RABGEF1: variants seen among roughly 807,000 people sequenced by gnomAD.
The protein encoded by RABGEF1 is RAB guanine nucleotide exchange factor 1, also known as rab5 GDP/GTP exchange factor.
A neutral mutation model predicts 57.3 loss-of-function variants in RABGEF1; 26 were observed. The observed-to-expected ratio is 0.45, with a 90% CI of 0.33 to 0.63. The LOEUF (loss-of-function observed/expected upper bound fraction) is 0.63. Ranked by LOEUF, RABGEF1 falls within the 20% of genes least tolerant of loss-of-function variation. The pLI is 0.02. For synonymous variants in RABGEF1, 185 were observed against 210.7 expected (o/e 0.88, Z 1.06); for missense variants, 464 against 607.6 (o/e 0.76, Z 2.48).
intron 3 of RABGEF1, among the ~76,000 whole-genome samples, chr7:66,779,241 C>A (rs552161187): frequency 6.6e-6 from 1 of 151,640 alleles, no homozygotes; most frequent in South Asian, 2.1e-4. Flanking sequence ...CAGGGGCTCA[C>A]GCTTATGATC....
chr7:66,764,319 A>G (rs1805166995), intron 1 of RABGEF1, among the ~76,000 whole-genome samples: 3 of 151,314 alleles, frequency 2.0e-5, no homozygotes, highest in Admixed American at 1.3e-4. Flanking sequence ...AAAATTGTTA[A>G]TTTTTATTGA....
chr7:66,809,352 T>TG lies in RABGEF1; in HGVS notation c.*71dup. On this transcript the variant is annotated 3_prime_UTR_variant, in exon 9 of 9. Transcript: ENST00000284957. ...GTAGCCCTTACTACACTCAACTGAT[T>TG]GGGATCTAGAATGTAACTAAATTGC... The TG allele has an allele frequency of 1.4e-6, 2 of 1,476,222 alleles. No individual in the cohort carries two copies. The highest frequency in any genetic ancestry group is 1.8e-6 in the Non-Finnish European group (2 of 1,095,026). The allele number at this position is 1,476,222 out of a possible 1,614,324, so 91.4% of individuals were successfully genotyped here.
upstream of RABGEF1, chr7:66,740,729 G>C (rs530585304): frequency 6.5e-6 from 1 of 152,724 alleles, no homozygotes; most frequent in African/African-American, 2.4e-5. Flanking sequence ...TGGCCGCGGA[G>C]CCCAGACCTA....
intron 7 of RABGEF1, among the ~76,000 whole-genome samples, chr7:66,800,306 CA>C (rs1015446494): frequency 1.3e-5 from 2 of 152,116 alleles, no homozygotes; most frequent in African/African-American, 4.8e-5. Flanking sequence ...ACCCTAGCCC[CA>C]AGGGTCATCC....
intron 1 of RABGEF1, among the ~76,000 whole-genome samples, chr7:66,711,405 A>ATTTTTTTTTTT (rs202115107): frequency 2.2e-5 from 3 of 138,234 alleles, no homozygotes; most frequent in Non-Finnish European, 3.2e-5. Flanking sequence ...TTTTGTGCTA[A>ATTTTTTTTTTT]TTTTTTTTTT....
intron 1 of RABGEF1, among the ~76,000 whole-genome samples, chr7:66,684,308 A>G (rs1436942684): frequency 1.3e-5 from 2 of 152,140 alleles, no homozygotes; most frequent in Non-Finnish European, 2.9e-5. Flanking sequence ...GATGGGCATG[A>G]TGGCGCCTAC....
chr7:66,766,108 G>T lies in RABGEF1; in HGVS notation c.-17-5775G>T, dbSNP rs529552858. ...TGAAACCCAGGACTTGGCATACTAA[G>T]TATAGGCTTACTTGAGCTCAGGAGT... On this transcript the variant is annotated intron_variant, in intron 1 of 8. Coordinates refer to ENST00000284957, the MANE Select transcript of RABGEF1 (RefSeq NM_014504.3). 4.7e-4 allele frequency among the ~76,000 whole-genome samples: 71 copies of T among 152,224 alleles called. 1 individual carries two copies. The South Asian group carries it at 0.011, about 24-fold the overall frequency.
chr7:66,731,853 A>G (rs1797356395), intron 2 of RABGEF1, among the ~76,000 whole-genome samples: 1 of 152,172 alleles, frequency 6.6e-6, no homozygotes, highest in African/African-American at 2.4e-5. Flanking sequence ...AGGTTTGGCA[A>G]CTGCCCAAGG....
At chr7:66,745,060 C>T (rs1291981020) in intron 1 of RABGEF1, among the ~76,000 whole-genome samples, 1 of 151,968 alleles carries the variant, frequency 6.6e-6, no homozygotes, top group African/African-American at 2.4e-5. Flanking sequence ...GGCATGGTTG[C>T]AGGCGCCTGT....
At chr7:66,734,435 A>G (rs1444896119) in intron 2 of RABGEF1, among the ~76,000 whole-genome samples, 1 of 152,038 alleles carries the variant, frequency 6.6e-6, no homozygotes, top group African/African-American at 2.4e-5. Context: ...ATTCCCTGCC[A>G]GGGTAGTGTA....
chr7:66,744,560 C>T (rs1255060367), intron 1 of RABGEF1, among the ~76,000 whole-genome samples: 10 of 148,598 alleles, frequency 6.7e-5, no homozygotes, highest in South Asian at 2.2e-4. Flanking sequence ...CCCAGCTACT[C>T]GGGAGGCTGA....
chr7:66,730,557 CTTTTTTTTTTT>C (rs888301191), intron 2 of RABGEF1, among the ~76,000 whole-genome samples: 2 of 130,834 alleles, frequency 1.5e-5, no homozygotes, highest in African/African-American at 2.8e-5. Context: ...GTTTCTTTTT[CTTTTTTTTTTT>C]TTTTTTTGGT....
intron 1 of RABGEF1, among the ~76,000 whole-genome samples, chr7:66,683,865 C>G (rs937287274): frequency 6.6e-6 from 1 of 152,062 alleles, no homozygotes; most frequent in Non-Finnish European, 1.5e-5. Context: ...CTCAACCTCC[C>G]GAGTAGCTGA....
chr7:66,657,347 T>A, the RABGEF1 span, among the ~76,000 whole-genome samples: 5,587 of 152,240 alleles, frequency 0.037, 162 homozygotes, highest in East Asian at 0.088. Flanking sequence ...AAGGAAAACT[T>A]GAAAACTCAC....
intron 3 of RABGEF1, among the ~76,000 whole-genome samples, chr7:66,782,263 A>G (rs1040435032): frequency 1.4e-4 from 21 of 152,230 alleles, no homozygotes; most frequent in African/African-American, 4.8e-4. Flanking sequence ...CATAAGAGGT[A>G]TGGTCAGAAG....
At chr7:66,686,701 G>T (rs1006954056) in intron 1 of RABGEF1, among the ~76,000 whole-genome samples, 15 of 152,136 alleles carry the variant, frequency 9.9e-5, no homozygotes, top group African/African-American at 3.6e-4. Flanking sequence ...CTAAAATGCT[G>T]TAGGAAAACA....
Position 66,746,483 on chromosome 7 carries a change from G to T in RABGEF1, c.-18+5691G>T, listed in dbSNP as rs113036239. On this transcript the variant is annotated intron_variant, in intron 1 of 8. Transcript: ENST00000284957. ...TTTTTGTATTTTTAGTAGAGACGGG[G>T]TTTCACCATATTGGCCAGGCTGATC... 1.3e-4 allele frequency among the ~76,000 whole-genome samples: 20 copies of T among 151,740 alleles called. 1 individual carries two copies. The highest frequency in any genetic ancestry group is 4.6e-4 in the African/African-American group (19 of 41,372).
the RABGEF1 span, among the ~76,000 whole-genome samples, chr7:66,658,533 C>CAAAAAA: frequency 2.5e-4 from 19 of 75,210 alleles, no homozygotes; most frequent in South Asian, 4.5e-4. Context: ...ACTTCGTCTC[C>CAAAAAA]AAAAAAAAAA....
chr7:66,770,567 T>TC (rs774089448), intron 1 of RABGEF1: 1 of 152,276 alleles, frequency 6.6e-6, no homozygotes, highest in Non-Finnish European at 1.5e-5. Flanking sequence ...CACTGCAGCC[T>TC]CCAACTCCTG....
Sources: gnomAD v4.1 joint callset for allele counts (sites outside exome capture counted in the v4.1 genomes callset) on GRCh38, gnomAD v4.1.1 for gene constraint, MANE v1.5 for transcripts, NCBI Gene and HGNC (gene_info 2026-07-23, HGNC 2026-07-21) for gene names.